ACSM5: variants seen among roughly 807,000 people sequenced by gnomAD.
ACSM5 encodes acyl-CoA synthetase medium chain family member 5.
In ACSM5, 56 loss-of-function variants were observed where a neutral mutation model predicts 71.6. That is an observed-to-expected ratio of 0.78 (90% CI 0.63 to 0.98). ACSM5 has a LOEUF of 0.98. Ranked by LOEUF, ACSM5 falls within the 50% of genes least tolerant of loss-of-function variation. The pLI, the probability that ACSM5 is intolerant of heterozygous loss-of-function variation, is 0.00. For synonymous variants in ACSM5, 285 were observed against 281.5 expected, an observed-to-expected ratio of 1.01 and a Z score of -0.12; for missense variants, 723 against 726.0, an observed-to-expected ratio of 1.00 and a Z score of 0.05.
intron 12 of ACSM5, among the ~76,000 whole-genome samples, chr16:20,439,511 G>A (rs1391017863): frequency 6.6e-6 from 1 of 151,548 alleles, no homozygotes; most frequent in African/African-American, 2.4e-5. Context: ...TGCTTCTTAA[G>A]AGAAGCGATG....
At chr16:20,436,090 T>TTTC in intron 10 of ACSM5, among the ~76,000 whole-genome samples, 1 of 91,348 alleles carries the variant, frequency 1.1e-5, no homozygotes, top group Admixed American at 9.3e-5. Flanking sequence ...CCTTCCTTCC[T>TTTC]TTTCTCTTTC....
At position 20,421,236 on chromosome 16, in the gene ACSM5, C is replaced by T. The variant is rs534557170; in HGVS notation, c.624-22C>T. 3 of 1,546,424 alleles carry T rather than the reference C, an allele frequency of 1.9e-6. No individual in the cohort carries two copies. In the African/African-American group the frequency reaches 4.1e-5, roughly 21 times the overall value. ...ACTGTTTTTACCGTGGTAGTGCCAC[C>T]TAGTGTATTTACGTTTTACAGGGAG... On this transcript the variant is annotated intron_variant, in intron 4 of 13. Transcript: ENST00000331849.
At chr16:20,432,635 C>T (rs1161297554) in intron 10 of ACSM5, among the ~76,000 whole-genome samples, 4 of 152,156 alleles carry the variant, frequency 2.6e-5, no homozygotes, top group Admixed American at 1.3e-4. Flanking sequence ...TTGTCGACTT[C>T]GTGCCGCTCG....
chr16:20,426,895 C>T (rs1383088720), intron 6 of ACSM5, among the ~76,000 whole-genome samples: 9 of 152,006 alleles, frequency 5.9e-5, no homozygotes, highest in South Asian at 4.2e-4. Context: ...ACTTAAAAAC[C>T]GTTCCAATGG....
At chr16:20,417,055 G>A (rs915247202) in intron 2 of ACSM5, among the ~76,000 whole-genome samples, 4 of 147,220 alleles carry the variant, frequency 2.7e-5, no homozygotes, top group Admixed American at 2.0e-4. Context: ...AATAACAAAC[G>A]TTGGAGATGA....
rs147689326 is a variant in ACSM5, at chr16:20,437,273, G to T, written c.1442G>T (p.Arg481Leu). 4 of 1,613,940 alleles carry T rather than the reference G, an allele frequency of 2.5e-6. No homozygotes were observed. In the African/African-American group the frequency reaches 4.0e-5, roughly 16 times the overall value. The change falls in exon 12 of 14, where the codon CGG becomes CTG. Residue 481 changes from arginine to leucine, a missense_variant. Arg to Leu is a moderately radical substitution (Grantham distance 102). Transcript: ENST00000331849. The part of the protein sequence containing the change: ...NDDVINSSSY[R>L]IGPVEVESAL... The stretch of plus-strand genomic sequence containing the variant: ...AGTTTGTTTTTCCCTTCCAGCTACC[G>T]GATCGGGCCTGTTGAAGTGGAAAGT...
At chr16:20,433,121 A>G (rs933652987) in intron 10 of ACSM5, among the ~76,000 whole-genome samples, 1 of 152,176 alleles carries the variant, frequency 6.6e-6, no homozygotes, top group African/African-American at 2.4e-5. Flanking sequence ...GGCAACTCCC[A>G]AAGTGCTGGG....
intron 6 of ACSM5, among the ~76,000 whole-genome samples, chr16:20,424,965 A>C (rs11643963): frequency 0.16 from 23,776 of 152,264 alleles, 2,426 homozygotes; most frequent in Middle Eastern, 0.29. Context: ...GGGTATCCAT[A>C]CCCTCAAAGC....
intron 4 of ACSM5, 34 bp from the exon 5 acceptor site, chr16:20,421,224 T>C: frequency 6.5e-7 from 1 of 1,537,068 alleles, no homozygotes; most frequent in Non-Finnish European, 8.8e-7. Flanking sequence ...GTTTTTACCG[T>C]GGTAGTGCCA....
At chr16:20,418,782 T>A (rs1374385994) in intron 3 of ACSM5, among the ~76,000 whole-genome samples, 1 of 152,218 alleles carries the variant, frequency 6.6e-6, no homozygotes, top group Non-Finnish European at 1.5e-5. Context: ...GAGGGACCCT[T>A]ATAACCAATC....
chr16:20,423,985 C>T lies in ACSM5; in HGVS notation c.837C>T (p.Ala279=). ...NTTDTGWVKA[A]WTLFSAWPNG... is the part of the protein sequence containing the mutation. ...CTGACACTGGCTGGGTGAAGGCAGC[C>T]TGGACTCTCTTCTCTGCCTGGCCTA... Residue 279 remains alanine, a synonymous_variant, in exon 6 of 14, where the codon GCC becomes GCT. Coordinates refer to ENST00000331849, the MANE Select transcript of ACSM5 (RefSeq NM_017888.3). The T allele has an allele frequency of 6.2e-7, 1 of 1,614,190 alleles. No homozygotes were observed. The highest frequency in any genetic ancestry group is 8.5e-7 in the Non-Finnish European group (1 of 1,180,014).
At chr16:20,430,087 A>G (rs1400853854) in intron 8 of ACSM5, among the ~76,000 whole-genome samples, 2 of 152,040 alleles carry the variant, frequency 1.3e-5, no homozygotes, top group Non-Finnish European at 2.9e-5. Context: ...AAAACTACGT[A>G]TTGGGTATAA....
chr16:20,419,725 G>T, intron 4 of ACSM5: 1 of 455,120 alleles, frequency 2.2e-6, no homozygotes, highest in South Asian at 2.1e-5. Flanking sequence ...CCAATATGGT[G>T]CATTTAGCAC....
At chr16:20,409,863 A>AGGAGAGGTGAGGGGCG (rs61429263) in intron 1 of ACSM5, among the ~76,000 whole-genome samples, 198 bp downstream of exon 1, 49 of 99,522 alleles carry the variant, frequency 4.9e-4, no homozygotes, top group African/African-American at 1.8e-3. Flanking sequence ...AGCTCAGTTC[A>AGGAGAGGTGAGGGGCG]GGAGAGGTGA....
chr16:20,420,972 ATG>A (rs1966876002), intron 4 of ACSM5: 1 of 218,646 alleles, frequency 4.6e-6, no homozygotes, highest in Non-Finnish European at 8.9e-6. Context: ...AGACATGGAC[ATG>A]TGTGTGTTCT....
At position 20,411,617 on chromosome 16, in the gene ACSM5, G is replaced by C. The variant is rs751231589; in HGVS notation, c.133G>C (p.Gly45Arg). ...IVATWEAISL[G>R]RQLVPEYFNF... ...GGCCACCTGGGAAGCCATCAGCCTG[G>C]GAAGGCAGCTGGTGCCTGAGTACTT... The change falls in exon 2 of 14, where the codon GGA (glycine) becomes CGA (arginine). Residue 45 changes from glycine (G) to arginine (R), a missense_variant. Physicochemically the swap from Gly to Arg is moderately radical, Grantham distance 125 (BLOSUM62 -2). Coordinates refer to ENST00000331849, the MANE Select transcript of ACSM5 (RefSeq NM_017888.3). The C allele has an allele frequency of 1.9e-5, 30 of 1,614,044 alleles. No homozygotes were observed. In the South Asian group the frequency reaches 3.3e-4, roughly 18 times the overall value.
rs78641269 is a variant in ACSM5 at position 20,416,515 on chromosome 16, G to A, written c.205-1544G>A. ...TCCAACTAATGATGCTGGCACAACT[G>A]TGTGTTCACATGCAAAAGAATTAAT... On this transcript the variant is annotated intron_variant, in intron 2 of 13. Transcript: ENST00000331849. Among the ~76,000 whole-genome samples the A allele has an allele frequency of 6.8e-3, 1,028 of 152,274 alleles. 15 individuals are homozygous for A. Among genetic ancestry groups the A allele is most frequent in the African/African-American group, 0.022 (934 of 41,564 alleles).
Position 20,440,921 on chromosome 16 carries a change from G to A in ACSM5, c.*494G>A, listed in dbSNP as rs1432371364. On this transcript the variant is annotated 3_prime_UTR_variant, in exon 14 of 14. Coordinates refer to ENST00000331849, the MANE Select transcript of ACSM5 (RefSeq NM_017888.3). ...AGAAAAAAATCAAAATGCAGAAAAT[G>A]TGTGGTGCACTAAGATGATCACACA... is the stretch of plus-strand genomic sequence containing the variant. 6.5e-6 allele frequency: 1 copy of A among 152,894 alleles called. No individual in the cohort carries two copies. The highest frequency in any genetic ancestry group is 1.5e-5 in the Non-Finnish European group (1 of 68,802). 9.5% of individuals were successfully genotyped at this position (152,894 alleles called of 1,614,324 possible).
chr16:20,433,105 G>T (rs373766639), intron 10 of ACSM5, among the ~76,000 whole-genome samples: 1 of 152,046 alleles, frequency 6.6e-6, no homozygotes, highest in African/African-American at 2.4e-5. Flanking sequence ...TGATCTGCCC[G>T]CCTCGGGCAA....
Sources: gnomAD v4.1 joint callset for allele counts (sites outside exome capture counted in the v4.1 genomes callset) on GRCh38, gnomAD v4.1.1 for gene constraint, MANE v1.5 for transcripts, NCBI Gene and HGNC (gene_info 2026-07-23, HGNC 2026-07-21) for gene names.